BOC: variants seen among roughly 807,000 people sequenced by gnomAD.
BOC encodes brother of CDO.
A neutral mutation model predicts 112.0 loss-of-function variants in BOC; 76 were observed. That is an observed-to-expected ratio of 0.68 (90% CI 0.56 to 0.82). The LOEUF (loss-of-function observed/expected upper bound fraction) is 0.82, where lower values mean the gene tolerates loss of function less well. Among genes scored for constraint, BOC ranks in the 40% least tolerant of loss-of-function variants. The probability of loss-of-function intolerance (pLI) is 0.00; values close to 1 mark genes in which losing one functional copy is unlikely to be tolerated. For missense variants in BOC, 1,309 were observed against 1,511.7 expected, an observed-to-expected ratio of 0.87 and a Z score of 2.22; for synonymous variants, 580 against 599.8, an observed-to-expected ratio of 0.97 and a Z score of 0.48.
At position 113,279,263 on chromosome 3, in the gene BOC, G is replaced by A. The variant is rs1271621294; in HGVS notation, c.1831G>A (p.Asp611Asn). The change falls in exon 12 of 20, where the codon GAC becomes AAC. Residue 611 changes from aspartate to asparagine, a missense_variant. Coordinates refer to ENST00000682979, the MANE Select transcript of BOC (RefSeq NM_001378074.1). The part of the protein sequence containing the change: ...HGRLSPPEAP[D>N]RPTISTASET... ...GTCTTTCCCAGCCCCAGAAGCTCCC[G>A]ACAGGCCCACCATCTCCACGGCCTC... 3 of 1,613,480 alleles carry A rather than the reference G, an allele frequency of 1.9e-6. No homozygotes were observed. Among genetic ancestry groups the A allele is most frequent in the Non-Finnish European group, 1.7e-6 (2 of 1,179,690 alleles).
rs896397394 is a variant in BOC at position 113,286,681 on chromosome 3, C to G, written c.3167C>G (p.Pro1056Arg). Residue 1056 changes from proline to arginine, a missense_variant, in exon 20 of 20, where the codon CCA becomes CGA. By Grantham distance (103) the Pro-to-Arg change is moderately radical. Coordinates refer to ENST00000682979, the MANE Select transcript of BOC (RefSeq NM_001378074.1). ...CTACTCTTTCTCCCCTCAGGGCCCCCATGCTGCTTGGGCCTTGTGCCAGTT... is the reference window on the plus strand; with the variant it reads ...CTACTCTTTCTCCCCTCAGGGCCCCGATGCTGCTTGGGCCTTGTGCCAGTT... ...VWDPPFHSGP[P>R]CCLGLVPVEE... 1 of 1,579,390 alleles carries G rather than the reference C, an allele frequency of 6.3e-7. No homozygotes were observed. Among genetic ancestry groups the G allele is most frequent in the African/African-American group, 1.4e-5 (1 of 72,970 alleles).
chr3:113,274,676 C>T lies in BOC; in HGVS notation c.1536C>T (p.His512=), dbSNP rs1948480623. 1.3e-6 allele frequency: 2 copies of T among 1,591,960 alleles called. No individual in the cohort carries two copies. The highest frequency in any genetic ancestry group is 1.7e-6 in the Non-Finnish European group (2 of 1,164,568). The part of the protein sequence containing the change: ...RAPILYYVVK[H]RKQVTNSSDD... ...CAATCCTCTACTATGTGGTGAAACA[C>T]CGCAAGGTATGGCCCTGGTGTGGGG... Residue 512 remains histidine, a synonymous_variant, in exon 9 of 20, where the codon CAC becomes CAT. Coordinates refer to ENST00000682979, the MANE Select transcript of BOC (RefSeq NM_001378074.1). The surrounding 1 kb of genome is among the most constrained non-coding windows in gnomAD (Gnocchi z 4.8).
chr3:113,281,277 C>A (rs1949176814), intron 15 of BOC, 124 bp downstream of exon 15: 11 of 1,182,980 alleles, frequency 9.3e-6, no homozygotes, highest in Non-Finnish European at 1.3e-5. Flanking sequence ...TTTCCAAATA[C>A]CCTCAGACTT....
In BOC at chr3:113,272,687, C is replaced by A; in HGVS notation, c.945C>A (p.Tyr315Ter). ...VGQPGAAVILYNVQVFEPPEV... is the reference protein window; with the variant it reads ...VGQPGAAVIL The stretch of plus-strand genomic sequence containing the variant: ...AGCCCGGGGCAGCGGTCATCCTCTA[C>A]AATGTCCAGGTGTTTGGTGAGTGTC... Residue 315 changes from tyrosine to a stop codon, truncating the protein, a stop_gained, in exon 7 of 20, where the codon TAC becomes TAA. Transcript: ENST00000682979. LOFTEE classifies it high-confidence loss of function. The A allele has an allele frequency of 1.2e-6, 2 of 1,613,734 alleles. No individual in the cohort carries two copies. Among genetic ancestry groups the A allele is most frequent in the Non-Finnish European group, 8.5e-7 (1 of 1,179,922 alleles).
At chr3:113,263,456 G>A (rs1029487642) in intron 4 of BOC, among the ~76,000 whole-genome samples, 3 of 152,200 alleles carry the variant, frequency 2.0e-5, no homozygotes, top group African/African-American at 4.8e-5. Context: ...GGATGGTGGC[G>A]TCTTACTTCT....
At position 113,283,495 on chromosome 3, in the gene BOC, G is replaced by A. The variant is rs201334578; in HGVS notation, c.2519G>A (p.Arg840Gln). 5.1e-5 allele frequency: 82 copies of A among 1,614,000 alleles called. No individual in the cohort carries two copies. The Middle Eastern group carries it at 1.2e-3, about 23-fold the overall frequency. Residue 840 changes from arginine to glutamine, a missense_variant, in exon 16 of 20, where the codon CGG (arginine) becomes CAG (glutamine). By Grantham distance (43) the Arg-to-Gln change is conservative (BLOSUM62 1). Transcript: ENST00000682979. ...CCGCCCCTTCCTGAAACCATAGAGC[G>A]GCCGGTGGGCACTGGGGCCATGGTG... The part of the protein sequence containing the change: ...PQPPLPETIE[R>Q]PVGTGAMVAR...
In BOC at chr3:113,285,387, C is replaced by T. The variant is rs1250443319; in HGVS notation, c.2982C>T (p.Ser994=). Reference sequence around the variant, plus strand: ...TGCACTGCAGGGGTCCCAAGTCTAGCCCGGACGAGGGCTCTTTCTTATACA... The same window carrying T: ...TGCACTGCAGGGGTCCCAAGTCTAGTCCGGACGAGGGCTCTTTCTTATACA... ...SHQITRGPKS[S]PDEGSFLYTL... Residue 994 remains serine (S), a synonymous_variant, in exon 19 of 20, where the codon AGC becomes AGT. Transcript: ENST00000682979. The T allele has an allele frequency of 1.2e-6, 2 of 1,612,920 alleles. No homozygotes were observed. Among genetic ancestry groups the T allele is most frequent in the East Asian group, 4.5e-5 (2 of 44,892 alleles).
chr3:113,216,935 A>G (rs1036189330), intron 2 of BOC, among the ~76,000 whole-genome samples: 1 of 152,214 alleles, frequency 6.6e-6, no homozygotes, highest in Admixed American at 6.5e-5. Flanking sequence ...GTAGGGTTGA[A>G]GAAAAATTAC....
chr3:113,224,586 G>A (rs1322529827), intron 2 of BOC, among the ~76,000 whole-genome samples: 3 of 152,210 alleles, frequency 2.0e-5, no homozygotes, highest in Admixed American at 1.3e-4. Flanking sequence ...GGGGGGTCAC[G>A]TGGACCATCT....
chr3:113,285,053 C>G (rs1399376953), intron 18 of BOC, among the ~76,000 whole-genome samples, 195 bp downstream of exon 18: 3 of 152,254 alleles, frequency 2.0e-5, no homozygotes, highest in African/African-American at 7.2e-5. Context: ...GCCCTTTCTG[C>G]CTGAGGGCAT....
rs777101307 is a variant in BOC at position 113,279,472 on chromosome 3, A to G, written c.2023+17A>G. 5 of 1,609,446 alleles carry G rather than the reference A, an allele frequency of 3.1e-6. No homozygotes were observed. In the Admixed American group the frequency reaches 6.7e-5, roughly 22 times the overall value. ...TAGAGAAAGGTAGGGGCCTGGCCAC[A>G]CCGTGGCCTTGGCCTGATCCCCCAG... is the stretch of plus-strand genomic sequence containing the variant. On this transcript the variant is annotated intron_variant, in intron 12 of 19. Transcript: ENST00000682979.
At position 113,284,632 on chromosome 3, in the gene BOC, TG is replaced by T. The variant is rs930189868; in HGVS notation, c.2889+71del. The T allele has an allele frequency of 3.2e-6, 5 of 1,548,242 alleles. No homozygotes were observed. In the African/African-American group the frequency reaches 4.1e-5, roughly 13 times the overall value. ...CCAGGAGGGAGTGGCTGGGCTGCCT[TG>T]GGGGGCCTCCTCCCTCCTAGGGTCT... On this transcript the variant is annotated intron_variant, in intron 17 of 19. Transcript: ENST00000682979.
chr3:113,271,997 G>A (rs951616539), intron 6 of BOC: 32 of 215,430 alleles, frequency 1.5e-4, no homozygotes, highest in African/African-American at 7.0e-4. Flanking sequence ...ACCATAGGGT[G>A]GGGTTGAGAG....
At chr3:113,226,447 T>C (rs1941675826) in intron 2 of BOC, among the ~76,000 whole-genome samples, 1 of 152,198 alleles carries the variant, frequency 6.6e-6, no homozygotes, top group Non-Finnish European at 1.5e-5. Context: ...CACCATTCCA[T>C]GTCCCTCTCC....
intron 2 of BOC, among the ~76,000 whole-genome samples, chr3:113,239,517 C>G (rs1944011642): frequency 6.6e-6 from 1 of 152,254 alleles, no homozygotes; most frequent in Admixed American, 6.5e-5. Context: ...GTAACTGTCC[C>G]TGCCTTCCTT....
At chr3:113,264,319 G>A (rs1337898686) in intron 4 of BOC, among the ~76,000 whole-genome samples, 1 of 152,180 alleles carries the variant, frequency 6.6e-6, no homozygotes, top group African/African-American at 2.4e-5. Flanking sequence ...AAGGTAAGAG[G>A]ATTAAAGCTG....
At chr3:113,220,841 G>T (rs1397001008) in intron 2 of BOC, among the ~76,000 whole-genome samples, 3 of 152,138 alleles carry the variant, frequency 2.0e-5, no homozygotes, top group Non-Finnish European at 4.4e-5. Context: ...AAATAATTCT[G>T]GTTAACATTC....
intron 4 of BOC, among the ~76,000 whole-genome samples, chr3:113,263,348 A>T (rs757051028): frequency 1.3e-5 from 2 of 152,216 alleles, no homozygotes; most frequent in Non-Finnish European, 2.9e-5. Flanking sequence ...AGGACTGTGC[A>T]TGAGAAGTAC....
chr3:113,239,543 A>G (rs1233424931), intron 2 of BOC, among the ~76,000 whole-genome samples: 7 of 152,362 alleles, frequency 4.6e-5, no homozygotes, highest in Admixed American at 4.6e-4. Context: ...TTGGCCATTC[A>G]GGCTCCTTCC....
Sources: gnomAD v4.1 joint callset for allele counts (sites outside exome capture counted in the v4.1 genomes callset) on GRCh38, gnomAD v4.1.1 for gene constraint, Gnocchi (gnomAD v3.1) non-coding constraint, MANE v1.5 for transcripts, NCBI Gene and HGNC (gene_info 2026-07-23, HGNC 2026-07-21) for gene names.